Variants in FSD1L observed in about 807,000 individuals in gnomAD.
FSD1L encodes fibronectin type III and SPRY domain containing 1 like, also known as FSD1-like protein.
FSD1L carries 45 observed loss-of-function variants against 71.6 expected under a neutral mutation model. The observed-to-expected ratio is 0.63, with a 90% CI of 0.49 to 0.81. The LOEUF (loss-of-function observed/expected upper bound fraction) is 0.81. Ranked by LOEUF, FSD1L falls within the 30% of genes least tolerant of loss-of-function variation. The probability of loss-of-function intolerance (pLI) is 0.00; values close to 1 mark genes in which losing one functional copy is unlikely to be tolerated. For synonymous variants in FSD1L, 197 were observed against 207.2 expected (o/e 0.95, Z 0.42); for missense variants, 561 against 618.1 (o/e 0.91, Z 0.98).
intron 6 of FSD1L, among the ~76,000 whole-genome samples, chr9:105,479,615 T>C (rs1428036873): frequency 2.6e-5 from 4 of 152,216 alleles, no homozygotes; most frequent in Non-Finnish European, 5.9e-5. Context: ...TGTAGAAATA[T>C]AGTTAGTTTT....
chr9:105,466,768 A>G (rs1428632472), intron 3 of FSD1L, among the ~76,000 whole-genome samples: 1 of 152,194 alleles, frequency 6.6e-6, no homozygotes, highest in Non-Finnish European at 1.5e-5. Flanking sequence ...CTTTCTTTAG[A>G]TAAGCATAAA....
chr9:105,541,323 G>A (rs1836600183), intron 13 of FSD1L, among the ~76,000 whole-genome samples: 2 of 144,360 alleles, frequency 1.4e-5, no homozygotes, highest in Admixed American at 7.0e-5. Context: ...ACAAACCTCT[G>A]CCATATTACG....
intron 7 of FSD1L, among the ~76,000 whole-genome samples, chr9:105,503,555 A>G (rs769279909): frequency 6.6e-6 from 1 of 152,350 alleles, no homozygotes; most frequent in South Asian, 2.1e-4. Flanking sequence ...ATTCAGGTGC[A>G]GAGAAAACAT....
intron 7 of FSD1L, among the ~76,000 whole-genome samples, chr9:105,499,085 G>A (rs151285740): frequency 3.2e-4 from 49 of 152,170 alleles, no homozygotes; most frequent in African/African-American, 1.1e-3. Context: ...ATGTTCTATA[G>A]GAGCTTGAGA....
intron 1 of FSD1L, among the ~76,000 whole-genome samples, chr9:105,449,923 C>T (rs558547901): frequency 3.8e-4 from 58 of 152,274 alleles, no homozygotes; most frequent in Non-Finnish European, 6.2e-4. Flanking sequence ...GCTTCTCTTT[C>T]TTAGTAGTAG....
intron 10 of FSD1L, among the ~76,000 whole-genome samples, chr9:105,533,871 G>GTGCC (rs1745010087): frequency 6.6e-6 from 1 of 151,934 alleles, no homozygotes; most frequent in Non-Finnish European, 1.5e-5. Context: ...TTACAGGCAT[G>GTGCC]TGCCACCACG....
chr9:105,522,977 T>C (rs1245841404), intron 10 of FSD1L: 2 of 1,614,058 alleles, frequency 1.2e-6, no homozygotes, highest in South Asian at 1.1e-5. Context: ...TCAGCTCAGA[T>C]AGTCATTCGG....
At chr9:105,543,039 T>C (rs1836730050) in intron 13 of FSD1L, among the ~76,000 whole-genome samples, 1 of 152,172 alleles carries the variant, frequency 6.6e-6, no homozygotes, top group South Asian at 2.1e-4. Flanking sequence ...ATTTAAATAA[T>C]TTCCAAAAAA....
chr9:105,483,805 T>C (rs1832361029), intron 6 of FSD1L, among the ~76,000 whole-genome samples: 2 of 152,150 alleles, frequency 1.3e-5, no homozygotes, highest in African/African-American at 4.8e-5. Flanking sequence ...GAGTGACACC[T>C]AGTGTGGTAT....
chr9:105,523,785 T>C (rs1835333767), intron 10 of FSD1L: 3 of 1,598,026 alleles, frequency 1.9e-6, no homozygotes, highest in Non-Finnish European at 2.6e-6. Flanking sequence ...TATAATGCAT[T>C]GTGGATTACT....
chr9:105,445,811 G>A (rs537373826), upstream of FSD1L, among the ~76,000 whole-genome samples: 30 of 152,264 alleles, frequency 2.0e-4, no homozygotes, highest in Middle Eastern at 3.4e-3. Flanking sequence ...TATTCCTCAC[G>A]GAGTTGGGAA....
chr9:105,492,976 G>C (rs1471468453), intron 7 of FSD1L, among the ~76,000 whole-genome samples: 2 of 152,142 alleles, frequency 1.3e-5, no homozygotes, highest in Non-Finnish European at 2.9e-5. Flanking sequence ...TGTATATTCT[G>C]TTGATTTGGG....
intron 7 of FSD1L, among the ~76,000 whole-genome samples, chr9:105,500,325 G>A (rs1576285): frequency 0.11 from 16,530 of 152,172 alleles, 1,172 homozygotes; most frequent in Admixed American, 0.21. Flanking sequence ...TCAGTCTTTT[G>A]GTGAGCCTGT....
Position 105,478,442 on chromosome 9 carries a change from A to C in FSD1L, c.442-912A>C, listed in dbSNP as rs529144587. ...TAATTATTAAGTATTACTATGTCCT[A>C]AGCATTTTTGCTAGGCACTGGGGAT... On this transcript the variant is annotated intron_variant, in intron 5 of 13. Coordinates refer to ENST00000481272, the MANE Select transcript of FSD1L (RefSeq NM_001145313.3). Among the ~76,000 whole-genome samples the C allele has an allele frequency of 2.2e-4, 33 of 152,306 alleles. 1 individual carries two copies. The highest frequency in any genetic ancestry group is 2.1e-4 in the South Asian group (1 of 4,826).
At chr9:105,502,498 C>G (rs1833819780) in intron 7 of FSD1L, among the ~76,000 whole-genome samples, 2 of 152,124 alleles carry the variant, frequency 1.3e-5, no homozygotes, top group South Asian at 2.1e-4. Context: ...ATGTGAATGA[C>G]TGATACCAAT....
intron 2 of FSD1L, among the ~76,000 whole-genome samples, chr9:105,463,063 G>A (rs949971713): frequency 4.6e-5 from 7 of 151,298 alleles, no homozygotes; most frequent in Non-Finnish European, 1.0e-4. Context: ...GCTTGAACCC[G>A]GGAGGTGGAG....
intron 7 of FSD1L, chr9:105,500,609 C>T (rs911180807): frequency 1.3e-5 from 2 of 152,178 alleles, no homozygotes; most frequent in Non-Finnish European, 2.9e-5. Flanking sequence ...TTCTCCTCCC[C>T]CTGCTGTGGA....
chr9:105,482,668 C>T (rs1832286566), intron 6 of FSD1L, among the ~76,000 whole-genome samples: 1 of 151,844 alleles, frequency 6.6e-6, no homozygotes, highest in South Asian at 2.1e-4. Flanking sequence ...GCATTGTTGC[C>T]CATCTAAATT....
chr9:105,485,369 A>G (rs963648475), intron 7 of FSD1L, among the ~76,000 whole-genome samples: 44 of 152,256 alleles, frequency 2.9e-4, no homozygotes, highest in African/African-American at 1.1e-3. Context: ...ACCTTCTTTC[A>G]CAAGAACTAA....
Sources: gnomAD v4.1 joint callset for allele counts (sites outside exome capture counted in the v4.1 genomes callset) on GRCh38, gnomAD v4.1.1 for gene constraint, MANE v1.5 for transcripts, NCBI Gene and HGNC (gene_info 2026-07-23, HGNC 2026-07-21) for gene names.